The following GAA variants were observed in gnomAD, a reference collection of about 807,000 sequenced individuals.
GAA encodes the protein lysosomal alpha-glucosidase.
GAA carries 88 observed loss-of-function variants against 103.9 expected under a neutral mutation model. The ratio of observed to expected loss-of-function variants is 0.85; its 90% CI spans 0.71 to 1.01. GAA has a LOEUF of 1.01. GAA is among the 50% of genes least tolerant of loss of function. The probability of loss-of-function intolerance (pLI) is 0.00; values close to 1 mark genes in which losing one functional copy is unlikely to be tolerated. For missense variants in GAA, 1,350 were observed against 1,305.3 expected, an observed-to-expected ratio of 1.03 and a Z score of -0.53; for synonymous variants, 572 against 563.1, an observed-to-expected ratio of 1.02 and a Z score of -0.22.
chr17:80,114,303 ACT>A (rs1397038505), intron 15 of GAA, among the ~76,000 whole-genome samples: 1 of 152,198 alleles, frequency 6.6e-6, no homozygotes, highest in Non-Finnish European at 1.5e-5. Flanking sequence ...TTGGAGGAAC[ACT>A]GTTTGCAAAA....
In GAA at chr17:80,107,730, G is replaced by A. The variant is rs5822325; in HGVS notation, c.858+8G>A. On this transcript the variant is annotated splice_region_variant and intron_variant, in intron 4 of 19. Coordinates refer to ENST00000302262, the MANE Select transcript of GAA (RefSeq NM_000152.5). ...CGGGACCTTGCGCCCACGGTACAGC[G>A]GCGGGCGGCGGGCGGGGGCACTGAG... is the stretch of plus-strand genomic sequence containing the variant. 568 of 1,482,304 alleles carry A rather than the reference G, an allele frequency of 3.8e-4. 55 individuals carry two copies. The East Asian group carries it at 4.7e-3, about 12-fold the overall frequency. 91.8% of individuals were successfully genotyped at this position (1,482,304 alleles called of 1,614,324 possible). A position where few individuals can be genotyped will look rare whatever the true frequency, so the allele number is the denominator to read the frequency against.
In GAA at chr17:80,104,621, T is replaced by C. The variant is rs776707342; in HGVS notation, c.35T>C (p.Leu12Pro). 2 of 1,612,832 alleles carry C rather than the reference T, an allele frequency of 1.2e-6. No homozygotes were observed. The highest frequency in any genetic ancestry group is 3.3e-5 in the Admixed American group (2 of 60,006). ...AGGCACCCGCCCTGCTCCCACCGGC[T>C]CCTGGCCGTCTGCGCCCTCGTGTCC... is the stretch of plus-strand genomic sequence containing the variant. ...GVRHPPCSHR[L>P]LAVCALVSLA... Residue 12 changes from leucine to proline, a missense_variant, in exon 2 of 20, where the codon CTC (leucine) becomes CCC (proline). By Grantham distance (98) the Leu-to-Pro change is moderately conservative (BLOSUM62 -3). Transcript: ENST00000302262. The surrounding 1 kb of genome is among the most constrained non-coding windows in gnomAD (Gnocchi z 4.0).
intron 3 of GAA, 64 bp from the exon 4 acceptor site, chr17:80,107,493 G>A (rs1005297878): frequency 1.9e-6 from 3 of 1,607,376 alleles, no homozygotes; most frequent in South Asian, 1.1e-5. Context: ...GGTGCTCTCT[G>A]GGTGCTCTCA....
At chr17:80,103,676 G>A (rs542908304) in intron 1 of GAA, among the ~76,000 whole-genome samples, 9 of 152,254 alleles carry the variant, frequency 5.9e-5, no homozygotes, top group East Asian at 3.9e-4. Context: ...GTCTGTACCC[G>A]AGGCTCCAGG....
At chr17:80,115,771 A>G (rs940829499) in intron 15 of GAA, among the ~76,000 whole-genome samples, 9 of 152,102 alleles carry the variant, frequency 5.9e-5, no homozygotes, top group Non-Finnish European at 8.8e-5. Context: ...TAATTCCATA[A>G]GGTCTGTGTT....
rs1555603057 is a variant in GAA, at chr17:80,118,206, C to A, written c.2495C>A (p.Thr832Lys). 1 of 1,613,130 alleles carries A rather than the reference C, an allele frequency of 6.2e-7. No homozygotes were observed. The highest frequency in any genetic ancestry group is 1.1e-5 in the South Asian group (1 of 91,034). ...TTCCCTTTCCAGGGCCCTGGCCTCA[C>A]AACCACAGAGTCCCGCCAGCAGCCC... ...YIIPLQGPGLTTTESRQQPMA... is the reference protein window; with the variant it reads ...YIIPLQGPGLKTTESRQQPMA... The change falls in exon 18 of 20, where the codon ACA (threonine) becomes AAA (lysine). Residue 832 changes from threonine (T) to lysine (K), a missense_variant. Coordinates refer to ENST00000302262, the MANE Select transcript of GAA (RefSeq NM_000152.5).
At chr17:80,119,164 C>A (rs1041087013) in intron 19 of GAA, 108 bp from the exon 20 acceptor site, 1 of 1,118,714 alleles carries the variant, frequency 8.9e-7, no homozygotes, top group Non-Finnish European at 1.4e-6. Flanking sequence ...GAGCGCCGGG[C>A]CTCGCTGCTG....
chr17:80,109,858 C>T (rs1437691071), intron 8 of GAA, 87 bp from the exon 9 acceptor site: 2 of 932,018 alleles, frequency 2.1e-6, no homozygotes, highest in Non-Finnish European at 3.5e-6. Flanking sequence ...TCATCCCCAG[C>T]CTCATCCTCT....
At position 80,107,899 on chromosome 17, in the gene GAA, A is replaced by G. The variant is rs1405680808; in HGVS notation, c.955+3A>G. 6.2e-7 allele frequency: 1 copy of G among 1,605,004 alleles called. No homozygotes were observed. Among genetic ancestry groups the G allele is most frequent in the African/African-American group, 1.3e-5 (1 of 74,764 alleles). On this transcript the variant is annotated splice_donor_region_variant and intron_variant, in intron 5 of 19. Coordinates refer to ENST00000302262, the MANE Select transcript of GAA (RefSeq NM_000152.5). Reference sequence around the variant, plus strand: ...CCTGCTAAACAGCAATGCCATGGGTAAGCTGCCCGCCGCCCAGCGCCCGGG... The same window carrying G: ...CCTGCTAAACAGCAATGCCATGGGTGAGCTGCCCGCCGCCCAGCGCCCGGG...
At chr17:80,118,043 A>T in intron 17 of GAA, 150 bp from the exon 18 acceptor site, 1 of 930,736 alleles carries the variant, frequency 1.1e-6, no homozygotes, top group Non-Finnish European at 1.6e-6. Flanking sequence ...GGTCATCACC[A>T]CGGGGTTCCA....
rs1275298143 is a variant in GAA at position 80,113,320 on chromosome 17, C to T, written c.2143C>T (p.Gln715Ter). 1 of 1,599,180 alleles carries T rather than the reference C, an allele frequency of 6.3e-7. No homozygotes were observed. The highest frequency in any genetic ancestry group is 1.7e-5 in the Admixed American group (1 of 58,332). ...CCCCCACCTCTACACACTGTTCCAC[C>T]AGGCCCACGTCGCGGGGGAGACCGT... ...LLPHLYTLFH[Q>*]AHVAGETVAR... is the part of the protein sequence containing the mutation. The change falls in exon 15 of 20, where the codon CAG becomes TAG. Residue 715 changes from glutamine to a stop codon, truncating the protein, a stop_gained. Coordinates refer to ENST00000302262, the MANE Select transcript of GAA (RefSeq NM_000152.5). LOFTEE classifies it high-confidence loss of function.
At chr17:80,109,623 A>G (rs1302558900) in intron 8 of GAA, among the ~76,000 whole-genome samples, 2 of 92,336 alleles carry the variant, frequency 2.2e-5, no homozygotes, top group African/African-American at 6.6e-5. Flanking sequence ...GGAAACACAG[A>G]CTTTTTTCTT....
chr17:80,112,103 G>A lies in GAA; in HGVS notation c.1754+3G>A. 6.2e-7 allele frequency: 1 copy of A among 1,612,384 alleles called. No individual in the cohort carries two copies. Among genetic ancestry groups the A allele is most frequent in the South Asian group, 1.1e-5 (1 of 91,058 alleles). ...ACCGAAGCCATCGCCTCCCACAGGT[G>A]AGGGCCACGTCCCGCCCCACTGGGC... On this transcript the variant is annotated splice_donor_region_variant and intron_variant, in intron 12 of 19. Transcript: ENST00000302262.
Position 80,104,210 on chromosome 17 carries a change from G to T in GAA, c.-32-345G>T, listed in dbSNP as rs2039015116. Among the ~76,000 whole-genome samples, 1 of 152,214 alleles carries T rather than the reference G, an allele frequency of 6.6e-6. No homozygotes were observed. The highest frequency in any genetic ancestry group is 2.4e-5 in the African/African-American group (1 of 41,454). On this transcript the variant is annotated intron_variant, in intron 1 of 19. Transcript: ENST00000302262. This position sits in a 1 kb window ranked among gnomAD's most constrained non-coding sequence, Gnocchi z 4.0. ...GTCTGGGAGGTGGAGGTTGCAGTGA[G>T]CCAGGATCTCACCACAGCACTCTGG...
chr17:80,111,996 G>GA lies in GAA; in HGVS notation c.1651dup (p.Thr551AsnfsTer85). On this transcript the variant is annotated frameshift_variant, in exon 12 of 20. Transcript: ENST00000302262. LOFTEE classifies it high-confidence loss of function. ...CGCCTCTTCCAGGGGTGGTTGGGGG[G>GA]ACCCTCCAGGCGGCCACCATCTGTG... is the stretch of plus-strand genomic sequence containing the variant. 6.2e-7 allele frequency: 1 copy of GA among 1,613,656 alleles called. No homozygotes were observed. Among genetic ancestry groups the GA allele is most frequent in the South Asian group, 1.1e-5 (1 of 91,088 alleles).
At position 80,113,277 on chromosome 17, in the gene GAA, C is replaced by A. The variant is rs199571088; in HGVS notation, c.2100C>A (p.Thr700=). The A allele has an allele frequency of 3.7e-6, 6 of 1,601,158 alleles. No individual in the cohort carries two copies. In the African/African-American group the frequency reaches 4.0e-5, roughly 11 times the overall value. The change falls in exon 15 of 20, where the codon ACC becomes ACA. Residue 700 remains threonine, a synonymous_variant. Coordinates refer to ENST00000302262, the MANE Select transcript of GAA (RefSeq NM_000152.5). ...AGCAGGCCATGAGGAAGGCCCTCAC[C>A]CTGCGCTACGCACTCCTCCCCCACC... ...PAQQAMRKAL[T]LRYALLPHLY...
chr17:80,111,085 C>T (rs576112667), intron 11 of GAA, 60 bp downstream of exon 11: 16 of 1,515,092 alleles, frequency 1.1e-5, no homozygotes, highest in East Asian at 2.3e-5. Context: ...CCTTGTCTGG[C>T]CTGGGAGACT....
rs1332379501 is a variant in GAA at position 80,101,587 on chromosome 17, C to G, written c.-336C>G. ...CTCTGCGCGCCCCCGGGCACGACCC[C>G]GGAGTCTCCGCGGGCGGCCAGGGCG... is the stretch of plus-strand genomic sequence containing the variant. On this transcript the variant is annotated 5_prime_UTR_variant, in exon 1 of 20. Transcript: ENST00000302262. The G allele has an allele frequency of 6.6e-6, 1 of 150,620 alleles. No homozygotes were observed. The highest frequency in any genetic ancestry group is 1.5e-5 in the Non-Finnish European group (1 of 67,526). The allele number at this position is 150,620 out of a possible 1,614,324, so 9.3% of individuals were successfully genotyped here. A position where few individuals can be genotyped will look rare whatever the true frequency, so the allele number is the denominator to read the frequency against.
In GAA at chr17:80,105,860, G is replaced by T. The variant is rs530478036; in HGVS notation, c.658G>T (p.Val220Leu). ...GGAGTTCTCCGAGGAGCCCTTCGGGGTGATCGTGCGCCGGCAGCTGGACGG... is the reference window on the plus strand; with the variant it reads ...GGAGTTCTCCGAGGAGCCCTTCGGGTTGATCGTGCGCCGGCAGCTGGACGG... Reference protein sequence around the residue: ...SVEFSEEPFGVIVRRQLDGRV... With the variant: ...SVEFSEEPFGLIVRRQLDGRV... The change falls in exon 3 of 20, where the codon GTG (valine) becomes TTG (leucine). Residue 220 changes from valine to leucine, a missense_variant. By Grantham distance (32) the Val-to-Leu change is conservative. Transcript: ENST00000302262. The T allele has an allele frequency of 4.8e-5, 77 of 1,605,494 alleles. No individual in the cohort carries two copies. Among genetic ancestry groups the T allele is most frequent in the East Asian group, 4.0e-4 (18 of 44,862 alleles).
Sources: gnomAD v4.1 joint callset for allele counts (sites outside exome capture counted in the v4.1 genomes callset) on GRCh38, gnomAD v4.1.1 for gene constraint, Gnocchi (gnomAD v3.1) non-coding constraint, MANE v1.5 for transcripts, NCBI Gene and HGNC (gene_info 2026-07-23, HGNC 2026-07-21) for gene names.